ATP6V1H: variants seen among roughly 807,000 people sequenced by gnomAD.
The protein encoded by ATP6V1H is ATPase H+ transporting V1 subunit H.
In ATP6V1H, 39 loss-of-function variants were observed where a neutral mutation model predicts 71.7. The observed-to-expected ratio is 0.54, with a 90% confidence interval of 0.42 to 0.71. The LOEUF (loss-of-function observed/expected upper bound fraction) is 0.71, where lower values mean the gene tolerates loss of function less well. Ranked by LOEUF, ATP6V1H falls within the 30% of genes least tolerant of loss-of-function variation. ATP6V1H has a pLI of 0.00. For missense variants in ATP6V1H, 509 were observed against 594.9 expected (o/e 0.86, Z 1.50); for synonymous variants, 192 against 199.3 (o/e 0.96, Z 0.31).
At chr8:53,716,287 G>T (rs893990994) in intron 13 of ATP6V1H, among the ~76,000 whole-genome samples, 1 of 152,052 alleles carries the variant, frequency 6.6e-6, no homozygotes, top group African/African-American at 2.4e-5. Context: ...AAGTTATTAC[G>T]ATTACACAAA....
At chr8:53,728,486 A>C (rs760262741) in intron 13 of ATP6V1H, among the ~76,000 whole-genome samples, 1 of 152,178 alleles carries the variant, frequency 6.6e-6, no homozygotes, top group Non-Finnish European at 1.5e-5. Context: ...AATTAACTCC[A>C]CTTTTTTTAA....
intron 10 of ATP6V1H, among the ~76,000 whole-genome samples, chr8:53,771,548 T>C (rs1445303550): frequency 6.6e-6 from 1 of 152,138 alleles, no homozygotes; most frequent in African/African-American, 2.4e-5. Context: ...TAGTGGCTAA[T>C]TCTTTACTGT....
In ATP6V1H at chr8:53,773,591, T is replaced by C. The variant is rs1019124221; in HGVS notation, c.871-1424A>G. On this transcript the variant is annotated intron_variant, in intron 9 of 13. Coordinates refer to ENST00000359530, the MANE Select transcript of ATP6V1H (RefSeq NM_015941.4). Reference sequence around the variant, plus strand: ...AGCCACAGAAAAGCCAAAAATAGTCTTTCTGGCCTGGGGAACCAGAAAAGT... The same window carrying C: ...AGCCACAGAAAAGCCAAAAATAGTCCTTCTGGCCTGGGGAACCAGAAAAGT... Among the ~76,000 whole-genome samples the C allele has an allele frequency of 2.6e-5, 4 of 152,174 alleles. No homozygotes were observed. The East Asian group carries it at 7.7e-4, about 29-fold the overall frequency.
At chr8:53,777,658 T>C (rs906062220) in intron 9 of ATP6V1H, among the ~76,000 whole-genome samples, 3 of 152,202 alleles carry the variant, frequency 2.0e-5, no homozygotes, top group Non-Finnish European at 4.4e-5. Flanking sequence ...GTAAATATTT[T>C]AGGCTTTGCA....
chr8:53,780,385 G>C (rs933222904), intron 9 of ATP6V1H, among the ~76,000 whole-genome samples: 1 of 151,932 alleles, frequency 6.6e-6, no homozygotes, highest in African/African-American at 2.4e-5. Flanking sequence ...TTAAATACAT[G>C]TTCTCATTTC....
intron 7 of ATP6V1H, 87 bp downstream of exon 7, chr8:53,811,077 C>T: frequency 9.2e-7 from 1 of 1,081,404 alleles, no homozygotes; most frequent in Non-Finnish European, 1.4e-6. Flanking sequence ...AGTTGGGGAA[C>T]TAGTAAACAC....
At chr8:53,764,136 T>C (rs530284865) in intron 11 of ATP6V1H, among the ~76,000 whole-genome samples, 1 of 152,226 alleles carries the variant, frequency 6.6e-6, no homozygotes, top group East Asian at 1.9e-4. Context: ...TACAGTCTCT[T>C]CCAGAAAAAG....
intron 13 of ATP6V1H, among the ~76,000 whole-genome samples, chr8:53,723,777 G>A (rs757039218): frequency 2.6e-5 from 4 of 152,184 alleles, no homozygotes; most frequent in African/African-American, 9.7e-5. Flanking sequence ...CGTGGCCGTT[G>A]AGTCCTTCCC....
At chr8:53,759,665 A>C (rs540144992) in intron 11 of ATP6V1H, among the ~76,000 whole-genome samples, 1 of 152,202 alleles carries the variant, frequency 6.6e-6, no homozygotes, top group Non-Finnish European at 1.5e-5. Flanking sequence ...AAATATGTTC[A>C]TTCTCTTTCA....
At chr8:53,810,303 G>A (rs1271128229) in intron 7 of ATP6V1H, among the ~76,000 whole-genome samples, 2 of 152,146 alleles carry the variant, frequency 1.3e-5, no homozygotes, top group Middle Eastern at 3.2e-3. Flanking sequence ...TCCAGTTCCT[G>A]AGCTATTCCT....
intron 11 of ATP6V1H, among the ~76,000 whole-genome samples, chr8:53,760,480 C>T (rs1048182501): frequency 6.6e-5 from 10 of 152,180 alleles, no homozygotes; most frequent in Non-Finnish European, 1.5e-4. Context: ...AGTTGGATCT[C>T]CCAAGTCATC....
At chr8:53,758,422 T>C (rs928846053) in intron 11 of ATP6V1H, among the ~76,000 whole-genome samples, 10 of 152,222 alleles carry the variant, frequency 6.6e-5, no homozygotes, top group African/African-American at 1.7e-4. Context: ...GGCAATTATT[T>C]AAAGGCATTT....
At chr8:53,824,769 T>A (rs1266252600) in intron 4 of ATP6V1H, among the ~76,000 whole-genome samples, 1 of 152,098 alleles carries the variant, frequency 6.6e-6, no homozygotes, top group Admixed American at 6.5e-5. Context: ...ATCTGTTTTA[T>A]AACCCATAAG....
intron 2 of ATP6V1H, chr8:53,840,035 G>A (rs1288405584): frequency 1.8e-5 from 9 of 501,070 alleles, no homozygotes; most frequent in Non-Finnish European, 2.3e-5. Flanking sequence ...CACATTATCT[G>A]TTCTATTCCC....
intron 4 of ATP6V1H, among the ~76,000 whole-genome samples, chr8:53,817,887 C>T (rs62515797): frequency 0.058 from 8,803 of 151,716 alleles, 342 homozygotes; most frequent in Non-Finnish European, 0.094. Flanking sequence ...AAATCAAAAT[C>T]GGAAAGGGAG....
intron 13 of ATP6V1H, chr8:53,739,413 G>GA (rs1807338603): frequency 6.6e-6 from 1 of 152,124 alleles, no homozygotes; most frequent in Non-Finnish European, 1.5e-5. Flanking sequence ...GGCCTGGTGA[G>GA]TTTTTCTGTT....
In ATP6V1H at chr8:53,727,412, A is replaced by C. The variant is rs368201595; in HGVS notation, c.1392-11388T>G. 2.4e-4 allele frequency among the ~76,000 whole-genome samples: 36 copies of C among 152,172 alleles called. No individual in the cohort carries two copies. The South Asian group carries it at 2.9e-3, about 12-fold the overall frequency. On this transcript the variant is annotated intron_variant, in intron 13 of 13. Coordinates refer to ENST00000359530, the MANE Select transcript of ATP6V1H (RefSeq NM_015941.4). The stretch of plus-strand genomic sequence containing the variant: ...CTAGAGTTAAGCAGTTAAGGTCTTA[A>C]CTGCTACCACCCCACCCTCCCTGGG...
At chr8:53,781,679 AC>A (rs1277271281) in intron 9 of ATP6V1H, among the ~76,000 whole-genome samples, 4 of 152,046 alleles carry the variant, frequency 2.6e-5, no homozygotes, top group Admixed American at 2.0e-4. Flanking sequence ...TTTAGGTCTA[AC>A]ATTTAAGTCT....
At chr8:53,726,965 C>T (rs1806833340) in intron 13 of ATP6V1H, among the ~76,000 whole-genome samples, 1 of 152,228 alleles carries the variant, frequency 6.6e-6, no homozygotes, top group African/African-American at 2.4e-5. Flanking sequence ...ACTTATTCGG[C>T]ATGAATTGGA....
Sources: allele counts gnomAD v4.1 joint callset (sites outside exome capture counted in the v4.1 genomes callset), GRCh38; gene constraint gnomAD v4.1.1; transcripts MANE v1.5; gene names NCBI Gene and HGNC (gene_info 2026-07-23, HGNC 2026-07-21).